Variants in AVPR1A observed in about 807,000 individuals in gnomAD.
AVPR1A encodes vasopressin V1a receptor.
In AVPR1A, 31 loss-of-function variants were observed where a neutral mutation model predicts 31.5. That is an observed-to-expected ratio of 0.99 (90% CI 0.74 to 1.33). The LOEUF is 1.33. Among genes scored for constraint, AVPR1A ranks in the 40% most tolerant of loss-of-function variants. The pLI, the probability that AVPR1A is intolerant of heterozygous loss-of-function variation, is 0.00. For synonymous variants in AVPR1A, 243 were observed against 233.2 expected, an observed-to-expected ratio of 1.04 and a Z score of -0.38; for missense variants, 570 against 575.2, an observed-to-expected ratio of 0.99 and a Z score of 0.09.
intron 1 of AVPR1A, among the ~76,000 whole-genome samples, chr12:63,149,594 G>C (rs890871482): frequency 6.6e-6 from 1 of 151,542 alleles, no homozygotes. Flanking sequence ...CAAATGCAGA[G>C]TCCTGAGCCC....
intron 1 of AVPR1A, among the ~76,000 whole-genome samples, chr12:63,149,310 G>T (rs1033434067): frequency 6.6e-6 from 1 of 152,144 alleles, no homozygotes; most frequent in African/African-American, 2.4e-5. Context: ...ACCTTCTAAA[G>T]AATTTTTCTC....
At position 63,145,343 on chromosome 12, in the gene AVPR1A, C is replaced by A. The variant is rs567977296; in HGVS notation, c.*2016G>T. 4 of 455,038 alleles carry A rather than the reference C, an allele frequency of 8.8e-6. No individual in the cohort carries two copies. Among genetic ancestry groups the A allele is most frequent in the South Asian group, 6.2e-5 (4 of 64,364 alleles). 28.2% of individuals were successfully genotyped at this position (455,038 alleles called of 1,614,324 possible). A position where few individuals can be genotyped will look rare whatever the true frequency, so the allele number is the denominator to read the frequency against. On this transcript the variant is annotated 3_prime_UTR_variant, in exon 2 of 2. Coordinates refer to ENST00000299178, the MANE Select transcript of AVPR1A (RefSeq NM_000706.5). ...GAAGAATGAAGAGGAGTGAAGTTAT[C>A]GCTTCCGGGTTCTCACAGTGCTATC...
Position 63,150,313 on chromosome 12 carries a change from C to T in AVPR1A, c.524G>A (p.Trp175Ter). The T allele has an allele frequency of 6.2e-7, 1 of 1,613,940 alleles. No individual in the cohort carries two copies. Residue 175 changes from tryptophan (W) to a stop codon, truncating the protein, a stop_gained, in exon 1 of 2, where the codon TGG (tryptophan) becomes TAG (stop). Transcript: ENST00000299178. LOFTEE classifies it high-confidence loss of function. The surrounding 1 kb of genome is among the most constrained non-coding windows in gnomAD (Gnocchi z 4.9). ...RRSRLMIAAA[W>*]VLSFVLSTPQ... ...CGTGCTCAGCACGAAGCTCAGCACC[C>T]AGGCGGCCGCGATCATGAGGCGCGA...
rs1395388197 is a variant in AVPR1A at position 63,149,772 on chromosome 12, TCTCTC to T, written c.970+90_970+94del. The T allele has an allele frequency of 1.7e-3, 1,032 of 600,216 alleles. 5 individuals are homozygous for T. Among genetic ancestry groups the T allele is most frequent in the African/African-American group, 4.4e-3 (198 of 45,036 alleles). The allele number at this position is 600,216 out of a possible 1,614,324, so 37.2% of individuals were successfully genotyped here. A position where few individuals can be genotyped will look rare whatever the true frequency, so the allele number is the denominator to read the frequency against. ...GAAAATTGCTAGATTCTCATTTTTT[TCTCTC>T]TCTCTCTCTCTCTCTCTCTCTCACA... On this transcript the variant is annotated intron_variant, in intron 1 of 1. Transcript: ENST00000299178.
In AVPR1A at chr12:63,147,459, G is replaced by C; in HGVS notation, c.1157C>G (p.Thr386Ser). 1 of 1,614,090 alleles carries C rather than the reference G, an allele frequency of 6.2e-7. No homozygotes were observed. Among genetic ancestry groups the C allele is most frequent in the Non-Finnish European group, 8.5e-7 (1 of 1,179,972 alleles). Reference protein sequence around the residue: ...EDTDSMSRRQTFYSNNRSPTN... With the variant: ...EDTDSMSRRQSFYSNNRSPTN... Reference sequence around the variant, plus strand: ...TGGGCTTCGATTGTTAGAATAAAAAGTCTGTCTTCTGCTCATACTGTCAGT... The same window carrying C: ...TGGGCTTCGATTGTTAGAATAAAAACTCTGTCTTCTGCTCATACTGTCAGT... The change falls in exon 2 of 2, where the codon ACT becomes AGT. Residue 386 changes from threonine to serine, a missense_variant. Thr to Ser is a moderately conservative substitution (Grantham distance 58). Coordinates refer to ENST00000299178, the MANE Select transcript of AVPR1A (RefSeq NM_000706.5).
chr12:63,150,921 C>T lies in AVPR1A; in HGVS notation c.-85G>A. Reference sequence around the variant, plus strand: ...CTCCCCGTCTCGGAGGACTTGGGCTCCTCGTCCGAAGCGCAGGGTCTTTGG... The same window carrying T: ...CTCCCCGTCTCGGAGGACTTGGGCTTCTCGTCCGAAGCGCAGGGTCTTTGG... On this transcript the variant is annotated 5_prime_UTR_variant, in exon 1 of 2. Transcript: ENST00000299178. The surrounding 1 kb of genome is among the most constrained non-coding windows in gnomAD (Gnocchi z 4.9). The T allele has an allele frequency of 7.0e-7, 1 of 1,437,392 alleles. No homozygotes were observed. Among genetic ancestry groups the T allele is most frequent in the Non-Finnish European group, 9.1e-7 (1 of 1,101,358 alleles). 89.0% of individuals were successfully genotyped at this position (1,437,392 alleles called of 1,614,324 possible).
intron 1 of AVPR1A, among the ~76,000 whole-genome samples, chr12:63,148,275 T>C (rs191626100): frequency 1.6e-4 from 24 of 152,326 alleles, no homozygotes; most frequent in Admixed American, 1.2e-3. Flanking sequence ...GATTCTAAAA[T>C]ATTTTATGAT....
At chr12:63,149,472 T>TGTTA (rs201569496) in intron 1 of AVPR1A, among the ~76,000 whole-genome samples, 158 of 152,198 alleles carry the variant, frequency 1.0e-3, no homozygotes, top group African/African-American at 3.6e-3. Flanking sequence ...CCTGAAATGG[T>TGTTA]GTTAATACAG....
chr12:63,148,823 A>G (rs2120754707), intron 1 of AVPR1A, among the ~76,000 whole-genome samples: 1 of 152,254 alleles, frequency 6.6e-6, no homozygotes, highest in Non-Finnish European at 1.5e-5. Context: ...CCCTACTCCA[A>G]TTCCAAAAAG....
Position 63,149,792 on chromosome 12 carries a change from T to TCACA in AVPR1A, c.970+74_970+75insTGTG, listed in dbSNP as rs1236703159. ...TTTTTTCTCTCTCTCTCTCTCTCTC[T>TCACA]CTCTCTCACACACACACACACACAC... On this transcript the variant is annotated intron_variant, in intron 1 of 1. Transcript: ENST00000299178. 5.5e-5 allele frequency: 78 copies of TCACA among 1,430,320 alleles called. 1 individual carries two copies. The African/African-American group carries it at 6.0e-4, about 11-fold the overall frequency. The allele number at this position is 1,430,320 out of a possible 1,614,324, so 88.6% of individuals were successfully genotyped here.
chr12:63,149,796 TCTCACA>T (rs1213513695), intron 1 of AVPR1A, 65 bp downstream of exon 1: 229 of 1,107,806 alleles, frequency 2.1e-4, no homozygotes, highest in African/African-American at 9.9e-4. Flanking sequence ...TCTCTCTCTC[TCTCACA>T]CACACACACA....
intron 1 of AVPR1A, 111 bp downstream of exon 1, chr12:63,149,756 T>C: frequency 6.8e-7 from 1 of 1,462,218 alleles, no homozygotes; most frequent in Non-Finnish European, 9.1e-7. Context: ...AGAAAATTGC[T>C]AGATTCTCAT....
At position 63,150,366 on chromosome 12, in the gene AVPR1A, G is replaced by C. The variant is rs761542657; in HGVS notation, c.471C>G (p.Leu157=). 3 of 1,613,886 alleles carry C rather than the reference G, an allele frequency of 1.9e-6. No individual in the cohort carries two copies. The highest frequency in any genetic ancestry group is 1.1e-5 in the South Asian group (1 of 91,072). Residue 157 remains leucine (L), a synonymous_variant, in exon 1 of 2, where the codon CTC becomes CTG. Transcript: ENST00000299178. This position sits in a 1 kb window ranked among gnomAD's most constrained non-coding sequence, Gnocchi z 4.9. ...ADRYIAVCHP[L]KTLQQPARRS... ...GGCGCGCGGGCTGTTGCAGAGTCTT[G>C]AGCGGGTGGCACACCGCGATGTAGC...
chr12:63,148,917 G>T (rs1249570254), intron 1 of AVPR1A, among the ~76,000 whole-genome samples: 1 of 152,002 alleles, frequency 6.6e-6, no homozygotes, highest in African/African-American at 2.4e-5. Flanking sequence ...AATTTATTTG[G>T]TTTGAGTTCC....
chr12:63,148,364 A>G (rs866888473), intron 1 of AVPR1A, among the ~76,000 whole-genome samples: 1 of 152,164 alleles, frequency 6.6e-6, no homozygotes, highest in African/African-American at 2.4e-5. Flanking sequence ...CTTTTCTAAA[A>G]ATAAGAATAA....
Position 63,143,010 on chromosome 12 carries a change from A to C in AVPR1A, c.*4349T>G, listed in dbSNP as rs1868332525. The C allele has an allele frequency of 6.6e-6, 1 of 152,146 alleles. No homozygotes were observed. Among genetic ancestry groups the C allele is most frequent in the Admixed American group, 6.5e-5 (1 of 15,274 alleles). The allele number at this position is 152,146 out of a possible 1,614,324, so 9.4% of individuals were successfully genotyped here. ...GAACATTTGAAAAACAGTTCCAAAAAATGGAATACTAAAGATGCAACATTA... is the reference window on the plus strand; with the variant it reads ...GAACATTTGAAAAACAGTTCCAAAACATGGAATACTAAAGATGCAACATTA... On this transcript the variant is annotated 3_prime_UTR_variant, in exon 2 of 2. Transcript: ENST00000299178.
Position 63,147,274 on chromosome 12 carries a change from T to G in AVPR1A, c.*85A>C, listed in dbSNP as rs1479710400. The G allele has an allele frequency of 2.1e-6, 3 of 1,429,272 alleles. No individual in the cohort carries two copies. Among genetic ancestry groups the G allele is most frequent in the African/African-American group, 2.9e-5 (2 of 70,166 alleles). The allele number at this position is 1,429,272 out of a possible 1,614,324, so 88.5% of individuals were successfully genotyped here. On this transcript the variant is annotated 3_prime_UTR_variant, in exon 2 of 2. Coordinates refer to ENST00000299178, the MANE Select transcript of AVPR1A (RefSeq NM_000706.5). ...TTGATTTATGGTTATATTAATAAAG[T>G]GTATTTGTTCTTGTGATTTCTAGCT... is the stretch of plus-strand genomic sequence containing the variant.
rs1868341480 is a variant in AVPR1A, at chr12:63,144,276, T to C, written c.*3083A>G. On this transcript the variant is annotated 3_prime_UTR_variant, in exon 2 of 2. Coordinates refer to ENST00000299178, the MANE Select transcript of AVPR1A (RefSeq NM_000706.5). ...TTTCAAAATAAAAGCCAAGTAGTTT[T>C]ACACTTTAGAATACATGCTCCAAAA... 1 of 152,228 alleles carries C rather than the reference T, an allele frequency of 6.6e-6. No individual in the cohort carries two copies. The highest frequency in any genetic ancestry group is 2.1e-4 in the South Asian group (1 of 4,830). The allele number at this position is 152,228 out of a possible 1,614,324, so 9.4% of individuals were successfully genotyped here.
rs1868356648 is a variant in AVPR1A at position 63,146,089 on chromosome 12, A to G, written c.*1270T>C. 1 of 152,260 alleles carries G rather than the reference A, an allele frequency of 6.6e-6. No individual in the cohort carries two copies. 9.4% of individuals were successfully genotyped at this position (152,260 alleles called of 1,614,324 possible). The stretch of plus-strand genomic sequence containing the variant: ...AATAAAAGCAACTGCTAGCATGTGT[A>G]TAGTACTTTACTATTTCTGAAGCTC... On this transcript the variant is annotated 3_prime_UTR_variant, in exon 2 of 2. Coordinates refer to ENST00000299178, the MANE Select transcript of AVPR1A (RefSeq NM_000706.5).
Sources: gnomAD v4.1 joint callset for allele counts (sites outside exome capture counted in the v4.1 genomes callset) on GRCh38, gnomAD v4.1.1 for gene constraint, Gnocchi (gnomAD v3.1) non-coding constraint, MANE v1.5 for transcripts, NCBI Gene and HGNC (gene_info 2026-07-23, HGNC 2026-07-21) for gene names.